Variants in OPCML observed in about 807,000 individuals in gnomAD.
OPCML encodes opioid-binding protein/cell adhesion molecule.
In OPCML, 13 loss-of-function variants were observed where a neutral mutation model predicts 37.8. The observed-to-expected ratio is 0.34, with a 90% CI of 0.22 to 0.55. The LOEUF is 0.55. OPCML is among the 20% of genes least tolerant of loss of function. The pLI, the probability that OPCML is intolerant of heterozygous loss-of-function variation, is 0.91. For synonymous variants in OPCML, 176 were observed against 168.8 expected (o/e 1.04, Z -0.33); for missense variants, 341 against 435.6 (o/e 0.78, Z 1.93).
At chr11:133,287,793 TC>T (rs929495388) in intron 1 of OPCML, among the ~76,000 whole-genome samples, 1 of 152,022 alleles carries the variant, frequency 6.6e-6, no homozygotes, top group African/African-American at 2.4e-5. Context: ...CAAAGAGCTG[TC>T]CAGGTACCAT....
chr11:133,255,250 A>G (rs182668336), intron 1 of OPCML, among the ~76,000 whole-genome samples: 18 of 152,278 alleles, frequency 1.2e-4, no homozygotes, highest in Admixed American at 1.0e-3. Flanking sequence ...AAAACACTTA[A>G]ATACGAATGT....
chr11:132,929,171 T>C (rs1945103107), intron 2 of OPCML, among the ~76,000 whole-genome samples: 1 of 151,796 alleles, frequency 6.6e-6, no homozygotes. Context: ...ATGAGTTTTT[T>C]CCTTAAAATG....
intron 1 of OPCML, chr11:133,422,498 A>T (rs1945912832): frequency 1.0e-6 from 1 of 983,002 alleles, no homozygotes; most frequent in African/African-American, 1.8e-5. Context: ...TCTTGCTAGG[A>T]ACCACTCATT....
chr11:133,026,289 G>C (rs1184163224), intron 1 of OPCML: 17 of 825,790 alleles, frequency 2.1e-5, no homozygotes, highest in African/African-American at 1.5e-4. Flanking sequence ...GGTCAAAATG[G>C]ATTTGGGGTT....
In OPCML at chr11:132,852,175, T is replaced by A. The variant is rs1342900328; in HGVS notation, c.146+90751A>T. Among the ~76,000 whole-genome samples the A allele has an allele frequency of 2.0e-5, 3 of 152,328 alleles. No individual in the cohort carries two copies. The East Asian group carries it at 5.8e-4, about 29-fold the overall frequency. On this transcript the variant is annotated intron_variant, in intron 2 of 7. Transcript: ENST00000524381. ...CCTTATTTTAGTTACATTTTTGCAG[T>A]TGCCTTTCTTTGCTCAACCTAGTAT...
chr11:133,472,465 T>C (rs1467700895), intron 1 of OPCML, among the ~76,000 whole-genome samples: 1 of 151,900 alleles, frequency 6.6e-6, no homozygotes, highest in Non-Finnish European at 1.5e-5. Flanking sequence ...GAGGTTTCCA[T>C]CATGAACGGA....
intron 7 of OPCML, among the ~76,000 whole-genome samples, chr11:132,432,557 C>T (rs559480780): frequency 1.3e-5 from 2 of 152,296 alleles, no homozygotes; most frequent in East Asian, 3.9e-4. Flanking sequence ...GACACATACC[C>T]CTTCCTCTAT....
At chr11:132,690,163 C>T (rs1169058886) in intron 2 of OPCML, among the ~76,000 whole-genome samples, 3 of 152,252 alleles carry the variant, frequency 2.0e-5, no homozygotes, top group Admixed American at 1.3e-4. Context: ...TGGCCTCAAA[C>T]TCCTGGGTTC....
intron 1 of OPCML, among the ~76,000 whole-genome samples, chr11:133,311,949 A>G (rs1243708486): frequency 6.6e-6 from 1 of 152,088 alleles, no homozygotes; most frequent in Non-Finnish European, 1.5e-5. Context: ...CTTGATGTTG[A>G]GGCCCATCAT....
chr11:132,917,834 C>T (rs1359280874), intron 2 of OPCML, among the ~76,000 whole-genome samples: 1 of 152,082 alleles, frequency 6.6e-6, no homozygotes, highest in Non-Finnish European at 1.5e-5. Context: ...AATTGGAGGG[C>T]CTACTTGGAT....
At chr11:133,257,315 G>A (rs1941343661) in intron 1 of OPCML, among the ~76,000 whole-genome samples, 1 of 152,210 alleles carries the variant, frequency 6.6e-6, no homozygotes, top group East Asian at 1.9e-4. Context: ...AGAAATGAGT[G>A]AGAGTTCTTA....
intron 2 of OPCML, among the ~76,000 whole-genome samples, chr11:132,849,751 T>G (rs4575282): frequency 6.6e-6 from 1 of 152,210 alleles, no homozygotes; most frequent in South Asian, 2.1e-4. Flanking sequence ...AGGACATGGT[T>G]CACAGCTGGC....
intron 1 of OPCML, chr11:133,439,521 G>A (rs1197416580): frequency 2.5e-6 from 2 of 808,080 alleles, no homozygotes; most frequent in Non-Finnish European, 3.0e-6. Context: ...AGGCTGGAGT[G>A]CAGTGGCTCC....
intron 1 of OPCML, among the ~76,000 whole-genome samples, chr11:133,413,381 T>G (rs2136872937): frequency 6.6e-6 from 1 of 151,948 alleles, no homozygotes; most frequent in South Asian, 2.1e-4. Flanking sequence ...TAATGCTAGA[T>G]GACGAGTTAG....
At chr11:133,290,799 G>A (rs1399414198) in intron 1 of OPCML, among the ~76,000 whole-genome samples, 1 of 152,230 alleles carries the variant, frequency 6.6e-6, no homozygotes, top group African/African-American at 2.4e-5. Flanking sequence ...AGTGGGTGAA[G>A]GCAGAGCTTG....
chr11:133,317,685 C>G (rs767700458), intron 1 of OPCML, among the ~76,000 whole-genome samples: 2 of 152,194 alleles, frequency 1.3e-5, no homozygotes, highest in African/African-American at 4.8e-5. Context: ...TTGGCTCTGC[C>G]TGACCTCGCT....
chr11:133,106,689 G>A (rs1423724974), intron 1 of OPCML, among the ~76,000 whole-genome samples: 3 of 152,210 alleles, frequency 2.0e-5, no homozygotes, highest in Admixed American at 6.5e-5. Context: ...ACATATCCAG[G>A]ACCAGACAAT....
At chr11:132,512,271 C>T (rs1309185429) in intron 4 of OPCML, among the ~76,000 whole-genome samples, 1 of 152,044 alleles carries the variant, frequency 6.6e-6, no homozygotes, top group Non-Finnish European at 1.5e-5. Flanking sequence ...CAAATTGGTA[C>T]AACCATTTTG....
At chr11:133,492,208 T>C (rs561160078) in intron 1 of OPCML, among the ~76,000 whole-genome samples, 2 of 152,254 alleles carry the variant, frequency 1.3e-5, no homozygotes, top group African/African-American at 4.8e-5. Context: ...GTGGGGACCA[T>C]GGAGAGCTAC....
Sources: gnomAD v4.1 joint callset for allele counts (sites outside exome capture counted in the v4.1 genomes callset) on GRCh38, gnomAD v4.1.1 for gene constraint, MANE v1.5 for transcripts, NCBI Gene and HGNC (gene_info 2026-07-23, HGNC 2026-07-21) for gene names.